Variants in YOD1 observed in about 807,000 individuals in gnomAD.
YOD1 encodes YOD1 deubiquitinase.
A neutral mutation model predicts 23.7 loss-of-function variants in YOD1; 17 were observed. That is an observed-to-expected ratio of 0.72 (90% CI 0.49 to 1.07). The LOEUF is 1.07. Ranked by LOEUF, YOD1 falls within the 50% of genes least tolerant of loss-of-function variation. The probability of loss-of-function intolerance (pLI) is 0.00; values close to 1 mark genes in which losing one functional copy is unlikely to be tolerated. For synonymous variants in YOD1, 191 were observed against 169.6 expected (o/e 1.13, Z -0.98); for missense variants, 413 against 447.2 (o/e 0.92, Z 0.69).
Position 207,049,300 on chromosome 1 carries a change from G to C in YOD1, c.767C>G (p.Thr256Ser). ...IDRFGEDAGY[T>S]KRVLLIYDGI... ...ATCATAAATAAGCAGAACCCTTTTG[G>C]TATATCCTGCATCTTCCCCAAAACG... Residue 256 changes from threonine to serine, a missense_variant, in exon 2 of 2, where the codon ACC (threonine) becomes AGC (serine). By Grantham distance (58) the Thr-to-Ser change is moderately conservative. Coordinates refer to ENST00000315927, the MANE Select transcript of YOD1 (RefSeq NM_018566.4). 1 of 1,614,050 alleles carries C rather than the reference G, an allele frequency of 6.2e-7. No homozygotes were observed. The highest frequency in any genetic ancestry group is 8.5e-7 in the Non-Finnish European group (1 of 1,180,030).
chr1:207,049,611 G>A lies in YOD1; in HGVS notation c.456C>T (p.Thr152=), dbSNP rs764263300. The change falls in exon 2 of 2, where the codon ACC becomes ACT. Residue 152 remains threonine (T), a synonymous_variant. Transcript: ENST00000315927. The stretch of plus-strand genomic sequence containing the variant: ...GGCAAGAGTTGTCTGCTGGGACCAC[G>A]GTTCTGGTAAGCACAGGCAAAGTTT... ...VRETLPVLTR[T]VVPADNSCLF... is the part of the protein sequence containing the mutation. 3 of 1,614,064 alleles carry A rather than the reference G, an allele frequency of 1.9e-6. No homozygotes were observed. Among genetic ancestry groups the A allele is most frequent in the African/African-American group, 2.7e-5 (2 of 74,914 alleles).
At position 207,044,376 on chromosome 1, in the gene YOD1, C is replaced by T. The variant is rs1010012396; in HGVS notation, c.*4644G>A. ...GGAGTCCTGAATGGCACCAATGTGA[C>T]TGGAAAACTGACAAAAATTAGGTCC... On this transcript the variant is annotated 3_prime_UTR_variant, in exon 2 of 2. Coordinates refer to ENST00000315927, the MANE Select transcript of YOD1 (RefSeq NM_018566.4). 6.6e-6 allele frequency: 1 copy of T among 152,494 alleles called. No homozygotes were observed. Among genetic ancestry groups the T allele is most frequent in the Non-Finnish European group, 1.5e-5 (1 of 67,970 alleles). The allele number at this position is 152,494 out of a possible 1,614,324, so 9.4% of individuals were successfully genotyped here. A position where few individuals can be genotyped will look rare whatever the true frequency, so the allele number is the denominator to read the frequency against.
upstream of YOD1, among the ~76,000 whole-genome samples, chr1:207,051,347 A>G (rs1206241948): frequency 6.6e-6 from 1 of 151,472 alleles, no homozygotes; most frequent in Non-Finnish European, 1.5e-5. Context: ...CTTCCACACT[A>G]CACCCAGACT....
Position 207,045,460 on chromosome 1 carries a change from G to A in YOD1, c.*3560C>T, listed in dbSNP as rs1398276645. On this transcript the variant is annotated 3_prime_UTR_variant, in exon 2 of 2. Coordinates refer to ENST00000315927, the MANE Select transcript of YOD1 (RefSeq NM_018566.4). ...AGTAGCTCAAGAATTGTACTTTAAT[G>A]TCCTTAATTAGATCCCTAGAGGGCC... 1.3e-5 allele frequency: 2 copies of A among 152,308 alleles called. No homozygotes were observed. The highest frequency in any genetic ancestry group is 4.8e-5 in the African/African-American group (2 of 41,366). 9.4% of individuals were successfully genotyped at this position (152,308 alleles called of 1,614,324 possible).
Position 207,050,778 on chromosome 1 carries a change from C to CGGGGGCGATCCCGGTGAT in YOD1, c.235_252dup (p.Ile79_Pro84dup). 1 of 1,613,438 alleles carries CGGGGGCGATCCCGGTGAT rather than the reference C, an allele frequency of 6.2e-7. No homozygotes were observed. The highest frequency in any genetic ancestry group is 8.5e-7 in the Non-Finnish European group (1 of 1,180,006). On this transcript the variant is annotated inframe_insertion, in exon 1 of 2. Coordinates refer to ENST00000315927, the MANE Select transcript of YOD1 (RefSeq NM_018566.4). ...TATCCGACGAGGATTCGCTGACCGC[C>CGGGGGCGATCCCGGTGAT]GGGGGCGATCCCGGTGATGGCGGCA...
intron 1 of YOD1, 75 bp from the exon 2 acceptor site, chr1:207,049,798 A>G: frequency 1.4e-6 from 2 of 1,392,446 alleles, no homozygotes; most frequent in Non-Finnish European, 1.9e-6. Flanking sequence ...CCAAGTCTGT[A>G]AATTACAAAC....
chr1:207,049,475 TA>T lies in YOD1; in HGVS notation c.591del (p.Tyr197Ter). The T allele has an allele frequency of 6.2e-7, 1 of 1,614,238 alleles. No homozygotes were observed. The highest frequency in any genetic ancestry group is 8.5e-7 in the Non-Finnish European group (1 of 1,180,036). On this transcript the variant is annotated frameshift_variant, in exon 2 of 2. Transcript: ENST00000315927. LOFTEE classifies it high-confidence loss of function. ...TTTGTTTTTCCCAGTATTGCCTCAC[TA>T]TAGAAGTCTGGATCGCTTGCTACAA... ...AQIVASDPDF[Y>X]SEAILGKTNQ... is the part of the protein sequence containing the mutation.
Position 207,043,953 on chromosome 1 carries a change from T to C in YOD1, c.*5067A>G, listed in dbSNP as rs997155391. On this transcript the variant is annotated 3_prime_UTR_variant, in exon 2 of 2. Transcript: ENST00000315927. ...TAAAATCAATGCATCTTAATGACAA[T>C]GGCAAAATCACATAAGAGTTGTAGA... The C allele has an allele frequency of 4.6e-5, 7 of 152,606 alleles. No individual in the cohort carries two copies. Among genetic ancestry groups the C allele is most frequent in the African/African-American group, 7.2e-5 (3 of 41,458 alleles). 9.5% of individuals were successfully genotyped at this position (152,606 alleles called of 1,614,324 possible). A position where few individuals can be genotyped will look rare whatever the true frequency, so the allele number is the denominator to read the frequency against.
rs959520345 is a variant in YOD1 at position 207,051,045 on chromosome 1, G to C, written c.-15C>G. On this transcript the variant is annotated 5_prime_UTR_variant, in exon 1 of 2. Coordinates refer to ENST00000315927, the MANE Select transcript of YOD1 (RefSeq NM_018566.4). ...GGGCCAAACATCGCGAGAAGTTGCG[G>C]GTGGTTGCAGTTATCGCGACGCTTC... 4.0e-5 allele frequency: 60 copies of C among 1,487,720 alleles called. No homozygotes were observed. Among genetic ancestry groups the C allele is most frequent in the Non-Finnish European group, 5.3e-5 (59 of 1,120,758 alleles). The allele number at this position is 1,487,720 out of a possible 1,614,324, so 92.2% of individuals were successfully genotyped here.
Position 207,045,766 on chromosome 1 carries a change from T to C in YOD1, c.*3254A>G, listed in dbSNP as rs949829867. 6.6e-6 allele frequency: 1 copy of C among 152,082 alleles called. No individual in the cohort carries two copies. Among genetic ancestry groups the C allele is most frequent in the African/African-American group, 2.4e-5 (1 of 41,426 alleles). The allele number at this position is 152,082 out of a possible 1,614,324, so 9.4% of individuals were successfully genotyped here. A position where few individuals can be genotyped will look rare whatever the true frequency, so the allele number is the denominator to read the frequency against. On this transcript the variant is annotated 3_prime_UTR_variant, in exon 2 of 2. Coordinates refer to ENST00000315927, the MANE Select transcript of YOD1 (RefSeq NM_018566.4). ...GAGAAGCAAGTTAGGCATGGGCATT[T>C]AGGGACACAGACAAATTAGATAGAT...
chr1:207,049,511 T>C lies in YOD1; in HGVS notation c.556A>G (p.Ile186Val), dbSNP rs751648828. The C allele has an allele frequency of 1.2e-6, 2 of 1,614,228 alleles. No homozygotes were observed. Among genetic ancestry groups the C allele is most frequent in the Non-Finnish European group, 1.7e-6 (2 of 1,180,048 alleles). Residue 186 changes from isoleucine to valine, a missense_variant, in exon 2 of 2, where the codon ATA (isoleucine) becomes GTA (valine). Transcript: ENST00000315927. Reference protein sequence around the residue: ...PACAPEMRRLIAQIVASDPDF... With the variant: ...PACAPEMRRLVAQIVASDPDF... Reference sequence around the variant, plus strand: ...GGATCGCTTGCTACAATTTGTGCTATGAGGCGTCTCATCTCAGGGGCACAA... The same window carrying C: ...GGATCGCTTGCTACAATTTGTGCTACGAGGCGTCTCATCTCAGGGGCACAA...
rs1178271102 is a variant in YOD1, at chr1:207,049,187, G to C, written c.880C>G (p.Leu294Val). The change falls in exon 2 of 2, where the codon CTT (leucine) becomes GTT (valine). Residue 294 changes from leucine to valine, a missense_variant. Transcript: ENST00000315927. ...TCTGCTAATTCCAGTGCTTGTACAA[G>C]AACAATATCATCATTAGAGGAGAAA... ...TIFSSNDDIV[L>V]VQALELADEA... 6.2e-7 allele frequency: 1 copy of C among 1,614,068 alleles called. No homozygotes were observed. Among genetic ancestry groups the C allele is most frequent in the Non-Finnish European group, 8.5e-7 (1 of 1,180,024 alleles).
Position 207,050,798 on chromosome 1 carries a change from G to A in YOD1, c.233C>T (p.Ala78Val). The change falls in exon 1 of 2, where the codon GCC becomes GTC. Residue 78 changes from alanine (A) to valine (V), a missense_variant. Physicochemically the swap from Ala to Val is moderately conservative, Grantham distance 64. Coordinates refer to ENST00000315927, the MANE Select transcript of YOD1 (RefSeq NM_018566.4). ...ACCGCCGGGGGCGATCCCGGTGATG[G>A]CGGCAATTTGGCCCTGGAGTTCCCG... ...RVRELQGQIAAITGIAPGGQR... is the reference protein window; with the variant it reads ...RVRELQGQIAVITGIAPGGQR... 2 of 1,613,414 alleles carry A rather than the reference G, an allele frequency of 1.2e-6. No individual in the cohort carries two copies. The highest frequency in any genetic ancestry group is 1.7e-6 in the Non-Finnish European group (2 of 1,180,018).
Position 207,048,880 on chromosome 1 carries a change from C to T in YOD1, c.*140G>A, listed in dbSNP as rs1682662506. 1 of 764,382 alleles carries T rather than the reference C, an allele frequency of 1.3e-6. No individual in the cohort carries two copies. The highest frequency in any genetic ancestry group is 3.8e-4 in the Middle Eastern group (1 of 2,608). 47.3% of individuals were successfully genotyped at this position (764,382 alleles called of 1,614,324 possible). A position where few individuals can be genotyped will look rare whatever the true frequency, so the allele number is the denominator to read the frequency against. On this transcript the variant is annotated 3_prime_UTR_variant, in exon 2 of 2. Coordinates refer to ENST00000315927, the MANE Select transcript of YOD1 (RefSeq NM_018566.4). ...TAATTTTAATCTTAACAAGGAATTT[C>T]AGTGTCTTAGTGGTTTTAAGTTAAA...
upstream of YOD1, among the ~76,000 whole-genome samples, chr1:207,051,647 G>A (rs2306714): frequency 0.38 from 58,508 of 152,088 alleles, 11,569 homozygotes; most frequent in Middle Eastern, 0.47. Flanking sequence ...CGTGTAACGC[G>A]TGTCATCAGA....
In YOD1 at chr1:207,047,768, CAAGG is replaced by C. The variant is rs931138604; in HGVS notation, c.*1248_*1251del. Reference sequence around the variant, plus strand: ...AGAATTCTGAGAAAGCTGCATAAGGCAAGGATTTACAATTTTTTCTATTTTGGAA... The same window carrying C: ...AGAATTCTGAGAAAGCTGCATAAGGCATTTACAATTTTTTCTATTTTGGAA... On this transcript the variant is annotated 3_prime_UTR_variant, in exon 2 of 2. Coordinates refer to ENST00000315927, the MANE Select transcript of YOD1 (RefSeq NM_018566.4). 6.6e-6 allele frequency: 1 copy of C among 152,468 alleles called. No individual in the cohort carries two copies. The highest frequency in any genetic ancestry group is 2.4e-5 in the African/African-American group (1 of 41,436). The allele number at this position is 152,468 out of a possible 1,614,324, so 9.4% of individuals were successfully genotyped here. A position where few individuals can be genotyped will look rare whatever the true frequency, so the allele number is the denominator to read the frequency against.
rs1338860261 is a variant in YOD1, at chr1:207,051,085, CT to C, written c.-56del. ...CGCGACGCTTCGGTGCGGCTTCTGC[CT>C]TAGTACCTTAGCAAGCGCGAACTCT... On this transcript the variant is annotated 5_prime_UTR_variant, in exon 1 of 2. Transcript: ENST00000315927. 6.9e-7 allele frequency: 1 copy of C among 1,443,932 alleles called. No individual in the cohort carries two copies. The highest frequency in any genetic ancestry group is 2.5e-5 in the East Asian group (1 of 39,814). The allele number at this position is 1,443,932 out of a possible 1,614,324, so 89.4% of individuals were successfully genotyped here.
rs936106015 is a variant in YOD1, at chr1:207,046,380, A to G, written c.*2640T>C. 4 of 152,110 alleles carry G rather than the reference A, an allele frequency of 2.6e-5. No homozygotes were observed. The highest frequency in any genetic ancestry group is 2.6e-4 in the Admixed American group (4 of 15,276). The allele number at this position is 152,110 out of a possible 1,614,324, so 9.4% of individuals were successfully genotyped here. A position where few individuals can be genotyped will look rare whatever the true frequency, so the allele number is the denominator to read the frequency against. Reference sequence around the variant, plus strand: ...AAGAGTTTAATAAGCACAGTAAAAAATGAAAAAACAAACAAACAAAAAGCA... The same window carrying G: ...AAGAGTTTAATAAGCACAGTAAAAAGTGAAAAAACAAACAAACAAAAAGCA... On this transcript the variant is annotated 3_prime_UTR_variant, in exon 2 of 2. Coordinates refer to ENST00000315927, the MANE Select transcript of YOD1 (RefSeq NM_018566.4).
Position 207,048,992 on chromosome 1 carries a change from T to A in YOD1, c.*28A>T. 2 of 1,590,192 alleles carry A rather than the reference T, an allele frequency of 1.3e-6. No individual in the cohort carries two copies. ...AGAGCCTTCTGGATGTGTGAGGTAG[T>A]AGGCTTCAACCCTCATTCATGCATA... On this transcript the variant is annotated 3_prime_UTR_variant, in exon 2 of 2. Coordinates refer to ENST00000315927, the MANE Select transcript of YOD1 (RefSeq NM_018566.4).
Sources: gnomAD v4.1 joint callset for allele counts (sites outside exome capture counted in the v4.1 genomes callset) on GRCh38, gnomAD v4.1.1 for gene constraint, MANE v1.5 for transcripts, NCBI Gene and HGNC (gene_info 2026-07-23, HGNC 2026-07-21) for gene names.